Variants in POU6F2 observed in about 807,000 individuals in gnomAD.
The protein encoded by POU6F2 is POU domain, class 6, transcription factor 2.
POU6F2 carries 31 observed loss-of-function variants against 71.3 expected under a neutral mutation model. The observed-to-expected ratio is 0.43, with a 90% CI of 0.33 to 0.59. The LOEUF is 0.59. Among genes scored for constraint, POU6F2 ranks in the 20% least tolerant of loss-of-function variants. The probability of loss-of-function intolerance (pLI) is 0.04; values close to 1 mark genes in which losing one functional copy is unlikely to be tolerated. For synonymous variants in POU6F2, 347 were observed against 355.7 expected (o/e 0.98, Z 0.27); for missense variants, 783 against 856.8 (o/e 0.91, Z 1.07).
rs970284921 is a variant in POU6F2, at chr7:39,185,997, G to A, written c.278-18238G>A. On this transcript the variant is annotated intron_variant, in intron 2 of 9. Coordinates refer to ENST00000518318, the MANE Select transcript of POU6F2 (RefSeq NM_001370959.1). ...ACGATCTTGGCTCACTGCAATCTCC[G>A]CCTCCCAGGTTCAAGGGATTCTCCC... 4.6e-5 allele frequency among the ~76,000 whole-genome samples: 7 copies of A among 152,012 alleles called. No homozygotes were observed. In the South Asian group the frequency reaches 1.2e-3, roughly 27 times the overall value.
intron 2 of POU6F2, among the ~76,000 whole-genome samples, chr7:39,167,823 C>G (rs1336213461): frequency 1.3e-5 from 2 of 151,642 alleles, no homozygotes; most frequent in Non-Finnish European, 2.9e-5. Flanking sequence ...TCTTCATTGT[C>G]TTCAAAGTTC....
intron 4 of POU6F2, among the ~76,000 whole-genome samples, chr7:39,249,972 T>A (rs997556968): frequency 9.9e-5 from 15 of 152,166 alleles, no homozygotes; most frequent in Admixed American, 3.3e-4. Flanking sequence ...GAAGACTGTA[T>A]AATAACAATG....
intron 5 of POU6F2, among the ~76,000 whole-genome samples, chr7:39,346,625 G>A (rs973421980): frequency 3.3e-5 from 5 of 152,236 alleles, no homozygotes; most frequent in African/African-American, 1.2e-4. Context: ...TTCTGAAACA[G>A]TTTTGCCTTC....
intron 5 of POU6F2, among the ~76,000 whole-genome samples, chr7:39,378,434 T>C (rs190059161): frequency 1.3e-5 from 2 of 152,296 alleles, no homozygotes; most frequent in East Asian, 3.9e-4. Flanking sequence ...GTGAAACATG[T>C]TGGTTTCATG....
At position 39,212,849 on chromosome 7, in the gene POU6F2, T is replaced by G. The variant is rs552915194; in HGVS notation, c.598+5229T>G. On this transcript the variant is annotated intron_variant, in intron 4 of 9. Transcript: ENST00000518318. ...GAGGTTGTTAGTTGATGTAGCAAAATAAAATCCCCTTTATGGAGCTCATGC... is the reference window on the plus strand; with the variant it reads ...GAGGTTGTTAGTTGATGTAGCAAAAGAAAATCCCCTTTATGGAGCTCATGC... Among the ~76,000 whole-genome samples the G allele has an allele frequency of 1.3e-3, 192 of 152,302 alleles. 1 individual carries two copies. Among genetic ancestry groups the G allele is most frequent in the Non-Finnish European group, 2.1e-3 (145 of 68,016 alleles).
At chr7:39,137,490 A>G (rs1307018466) in intron 2 of POU6F2, among the ~76,000 whole-genome samples, 1 of 152,236 alleles carries the variant, frequency 6.6e-6, no homozygotes, top group Non-Finnish European at 1.5e-5. Context: ...CCATCTTCCA[A>G]TCAATATACA....
At chr7:39,393,162 CAAACTATAACCAATA>C (rs1336310218) in intron 5 of POU6F2, among the ~76,000 whole-genome samples, 74 of 152,302 alleles carry the variant, frequency 4.9e-4, no homozygotes, top group Middle Eastern at 3.4e-3. Flanking sequence ...GTGTTTAGAA[CAAACTATAACCAATA>C]TATTTTGTGA....
chr7:39,122,393 A>G (rs562119856), intron 2 of POU6F2, among the ~76,000 whole-genome samples: 1 of 152,350 alleles, frequency 6.6e-6, no homozygotes, highest in South Asian at 2.1e-4. Context: ...GTTAATCTCT[A>G]AAGAAACTCA....
At chr7:39,022,437 C>A (rs887707289) in intron 1 of POU6F2, among the ~76,000 whole-genome samples, 1 of 152,038 alleles carries the variant, frequency 6.6e-6, no homozygotes, top group East Asian at 1.9e-4. Flanking sequence ...CACAGATGTG[C>A]GCTTCAATCA....
chr7:39,390,796 T>A (rs1787058231), intron 5 of POU6F2, among the ~76,000 whole-genome samples: 1 of 152,196 alleles, frequency 6.6e-6, no homozygotes, highest in Non-Finnish European at 1.5e-5. Context: ...TCAAATAATG[T>A]TGGGCAACGC....
intron 2 of POU6F2, among the ~76,000 whole-genome samples, chr7:39,188,951 A>G (rs986672139): frequency 6.6e-6 from 1 of 152,174 alleles, no homozygotes; most frequent in African/African-American, 2.4e-5. Flanking sequence ...TTCATTACCA[A>G]ATGTATCTCC....
intron 1 of POU6F2, among the ~76,000 whole-genome samples, chr7:38,991,072 G>GC (rs1004960144): frequency 6.6e-6 from 1 of 151,958 alleles, no homozygotes; most frequent in Non-Finnish European, 1.5e-5. Context: ...AGACTATGCT[G>GC]CCCCCTGGTT....
At chr7:39,134,809 GA>G (rs1259288730) in intron 2 of POU6F2, among the ~76,000 whole-genome samples, 2 of 152,188 alleles carry the variant, frequency 1.3e-5, no homozygotes, top group East Asian at 3.8e-4. Context: ...ATTCTGATTT[GA>G]TAGGTCCCAA....
In POU6F2 at chr7:39,464,383, A is replaced by C; in HGVS notation, c.1860A>C (p.Ala620=). ...WMAEAEARHR[A]GMQNLTEFIG... ...CTGAGGCTGAGGCCCGCCATCGAGC[A>C]GGTATGCAGAACCTGACCGAGTTTA... Residue 620 remains alanine (A), a synonymous_variant, in exon 10 of 10, where the codon GCA becomes GCC. Coordinates refer to ENST00000518318, the MANE Select transcript of POU6F2 (RefSeq NM_001370959.1). The surrounding 1 kb of genome is among the most constrained non-coding windows in gnomAD (Gnocchi z 4.1). The C allele has an allele frequency of 6.2e-7, 1 of 1,614,068 alleles. No homozygotes were observed. The highest frequency in any genetic ancestry group is 1.3e-5 in the African/African-American group (1 of 75,074).
intron 4 of POU6F2, among the ~76,000 whole-genome samples, chr7:39,252,800 C>T (rs1461141802): frequency 1.3e-5 from 2 of 152,154 alleles, no homozygotes; most frequent in African/African-American, 4.8e-5. Context: ...AGTGAGAACT[C>T]CTTGAACCAC....
In POU6F2 at chr7:39,259,868, G is replaced by T. The variant is rs1322241226; in HGVS notation, c.598+52248G>T. Among the ~76,000 whole-genome samples the T allele has an allele frequency of 3.9e-5, 6 of 152,066 alleles. No individual in the cohort carries two copies. The East Asian group carries it at 1.2e-3, about 30-fold the overall frequency. On this transcript the variant is annotated intron_variant, in intron 4 of 9. Coordinates refer to ENST00000518318, the MANE Select transcript of POU6F2 (RefSeq NM_001370959.1). ...TGCAGACAGAGCCCAGACGCCCAGG[G>T]TCTGGCTTCTAAGTGTTGCTGCAGC...
intron 4 of POU6F2, among the ~76,000 whole-genome samples, chr7:39,272,796 T>C (rs1045840053): frequency 1.3e-5 from 2 of 152,214 alleles, no homozygotes; most frequent in Non-Finnish European, 2.9e-5. Context: ...ATAGCTCTTT[T>C]CCCAAATTAT....
At chr7:39,120,861 G>A (rs1254861244) in intron 2 of POU6F2, 4 of 152,102 alleles carry the variant, frequency 2.6e-5, no homozygotes, top group Admixed American at 6.6e-5. Context: ...TCTGATACAG[G>A]AGTGCCAGGA....
chr7:39,014,114 T>A (rs1789408324), intron 1 of POU6F2, among the ~76,000 whole-genome samples: 2 of 152,314 alleles, frequency 1.3e-5, no homozygotes, highest in South Asian at 4.1e-4. Flanking sequence ...GGCGGAAATA[T>A]CTTTTCTGGC....
Sources: allele counts gnomAD v4.1 joint callset (sites outside exome capture counted in the v4.1 genomes callset), GRCh38; gene constraint gnomAD v4.1.1; non-coding constraint Gnocchi (gnomAD v3.1); transcripts MANE v1.5; gene names NCBI Gene and HGNC (gene_info 2026-07-23, HGNC 2026-07-21).